FAM168A: variants seen among roughly 807,000 people sequenced by gnomAD.
The protein encoded by FAM168A is family with sequence similarity 168 member A, also known as protein FAM168A.
A neutral mutation model predicts 28.5 loss-of-function variants in FAM168A; 3 were observed. The observed-to-expected ratio is 0.11, with a 90% confidence interval of 0.05 to 0.27. The LOEUF is 0.27. Ranked by LOEUF, FAM168A falls within the 10% of genes least tolerant of loss-of-function variation. The pLI is 1.00. For missense variants in FAM168A, 222 were observed against 311.5 expected (o/e 0.71, Z 2.16); for synonymous variants, 122 against 124.2 (o/e 0.98, Z 0.12).
At chr11:73,484,548 CTA>C (rs1555026158) in intron 1 of FAM168A, among the ~76,000 whole-genome samples, 1 of 124,888 alleles carries the variant, frequency 8.0e-6, no homozygotes, top group Non-Finnish European at 1.5e-5. Context: ...ATATATCTAT[CTA>C]TATCTATATA....
At chr11:73,478,068 T>C (rs1159035174) in intron 1 of FAM168A, among the ~76,000 whole-genome samples, 3 of 152,164 alleles carry the variant, frequency 2.0e-5, no homozygotes, top group African/African-American at 7.2e-5. Flanking sequence ...TATATAAAGA[T>C]ACCATTTACA....
chr11:73,561,963 G>A (rs61613696), intron 1 of FAM168A, among the ~76,000 whole-genome samples: 2,760 of 150,990 alleles, frequency 0.018, 64 homozygotes, highest in African/African-American at 0.056. Flanking sequence ...TTTTTCCAAA[G>A]ACTGAGTCTC....
intron 1 of FAM168A, among the ~76,000 whole-genome samples, chr11:73,534,871 AAAT>A (rs1943558128): frequency 1.3e-5 from 2 of 152,304 alleles, no homozygotes; most frequent in Admixed American, 6.5e-5. Context: ...CCAGACAAAG[AAAT>A]AACAGGCACA....
chr11:73,441,325 G>C (rs1867191273), intron 2 of FAM168A, among the ~76,000 whole-genome samples: 1 of 152,160 alleles, frequency 6.6e-6, no homozygotes, highest in Non-Finnish European at 1.5e-5. Context: ...CCAAAGTGCT[G>C]GGATTACAGG....
rs1234044488 is a variant in FAM168A at position 73,472,634 on chromosome 11, G to A, written c.-18-4142C>T. Among the ~76,000 whole-genome samples, 11 of 152,180 alleles carry A rather than the reference G, an allele frequency of 7.2e-5. No individual in the cohort carries two copies. The East Asian group carries it at 2.1e-3, about 29-fold the overall frequency. Reference sequence around the variant, plus strand: ...AAGCAAGAAGAGTAGTAGGGCAATCGGGAGGTTTTAGAAACAGTTCAGATG... The same window carrying A: ...AAGCAAGAAGAGTAGTAGGGCAATCAGGAGGTTTTAGAAACAGTTCAGATG... On this transcript the variant is annotated intron_variant, in intron 1 of 7. Transcript: ENST00000356467.
intron 1 of FAM168A, among the ~76,000 whole-genome samples, chr11:73,592,262 T>C (rs1322228351): frequency 6.6e-6 from 1 of 152,246 alleles, no homozygotes; most frequent in African/African-American, 2.4e-5. Flanking sequence ...AGGAGGTGTA[T>C]TGGAACTTTA....
chr11:73,437,462 G>A (rs1867111027), intron 2 of FAM168A, among the ~76,000 whole-genome samples: 1 of 142,536 alleles, frequency 7.0e-6, no homozygotes, highest in Non-Finnish European at 1.5e-5. Flanking sequence ...AAAGTGCAGT[G>A]GTGCGATCTC....
intron 3 of FAM168A, among the ~76,000 whole-genome samples, chr11:73,421,978 A>G (rs1866800880): frequency 6.6e-6 from 1 of 152,268 alleles, no homozygotes; most frequent in Non-Finnish European, 1.5e-5. Context: ...CATTAAAGTT[A>G]GTAAATTAAA....
chr11:73,564,030 C>T (rs1478190100), intron 1 of FAM168A, among the ~76,000 whole-genome samples: 1 of 152,192 alleles, frequency 6.6e-6, no homozygotes, highest in East Asian at 1.9e-4. Flanking sequence ...ACTCTCTCCT[C>T]CTAAGGTGGC....
At chr11:73,411,275 G>A in intron 5 of FAM168A, 119 bp downstream of exon 5, 1 of 1,161,448 alleles carries the variant, frequency 8.6e-7, no homozygotes, top group Non-Finnish European at 1.2e-6. Context: ...AACAAGGACG[G>A]CTAGCCAGAG....
At chr11:73,417,475 T>TTA (rs1483949075) in intron 4 of FAM168A, among the ~76,000 whole-genome samples, 2 of 152,028 alleles carry the variant, frequency 1.3e-5, no homozygotes, top group African/African-American at 2.4e-5. Context: ...ATCCCTATTT[T>TTA]TATATATATA....
intron 1 of FAM168A, among the ~76,000 whole-genome samples, chr11:73,576,499 G>T (rs1944176776): frequency 6.6e-6 from 1 of 152,180 alleles, no homozygotes; most frequent in South Asian, 2.1e-4. Context: ...CTGCAGCAAA[G>T]AGGTGAAAAC....
At chr11:73,458,381 A>C (rs1867578763) in intron 2 of FAM168A, among the ~76,000 whole-genome samples, 1 of 152,200 alleles carries the variant, frequency 6.6e-6, no homozygotes, top group Non-Finnish European at 1.5e-5. Flanking sequence ...CTTCGCATGT[A>C]AATCAGTCAC....
At chr11:73,438,117 C>A (rs1018174622) in intron 2 of FAM168A, among the ~76,000 whole-genome samples, 1 of 152,266 alleles carries the variant, frequency 6.6e-6, no homozygotes, top group East Asian at 1.9e-4. Flanking sequence ...TCATCATCAT[C>A]GTCATCATCA....
chr11:73,545,474 A>G (rs1308132608), intron 1 of FAM168A, among the ~76,000 whole-genome samples: 18 of 152,080 alleles, frequency 1.2e-4, no homozygotes, highest in Non-Finnish European at 2.2e-4. Context: ...GCTAAAGGGT[A>G]CAAGTTTCCA....
intron 1 of FAM168A, among the ~76,000 whole-genome samples, chr11:73,547,123 G>A (rs1943767145): frequency 2.1e-5 from 3 of 141,832 alleles, no homozygotes; most frequent in Admixed American, 7.2e-5. Context: ...ACAAAAGGAA[G>A]AAGAAAGAAA....
intron 1 of FAM168A, among the ~76,000 whole-genome samples, chr11:73,485,544 G>A (rs939368626): frequency 6.6e-6 from 1 of 152,170 alleles, no homozygotes; most frequent in Admixed American, 6.5e-5. Flanking sequence ...AAAGCTGAGC[G>A]TTCTTAGCAA....
At chr11:73,445,791 T>C (rs1184907151) in intron 2 of FAM168A, among the ~76,000 whole-genome samples, 2 of 152,232 alleles carry the variant, frequency 1.3e-5, no homozygotes, top group Non-Finnish European at 2.9e-5. Flanking sequence ...TAGGTTACTA[T>C]ATGACCTGGG....
intron 2 of FAM168A, among the ~76,000 whole-genome samples, chr11:73,446,718 T>C (rs906808897): frequency 4.6e-5 from 7 of 152,228 alleles, no homozygotes; most frequent in South Asian, 2.1e-4. Context: ...TCTCTAAAAA[T>C]GTCTCAAACA....
Sources: allele counts gnomAD v4.1 joint callset (sites outside exome capture counted in the v4.1 genomes callset), GRCh38; gene constraint gnomAD v4.1.1; transcripts MANE v1.5; gene names NCBI Gene and HGNC (gene_info 2026-07-23, HGNC 2026-07-21).